The following DYTN variants were observed in gnomAD, a reference collection of about 807,000 sequenced individuals.
DYTN encodes the protein dystrotelin.
DYTN carries 75 observed loss-of-function variants against 69.6 expected under a neutral mutation model. The ratio of observed to expected loss-of-function variants is 1.08; its 90% CI spans 0.89 to 1.31. The LOEUF is 1.31. DYTN is among the 50% of genes most tolerant of loss of function. The pLI, the probability that DYTN is intolerant of heterozygous loss-of-function variation, is 0.00. For synonymous variants in DYTN, 252 were observed against 249.1 expected (o/e 1.01, Z -0.11); for missense variants, 726 against 688.4 (o/e 1.05, Z -0.61).
At chr2:206,713,232 A>AT (rs1700095499) in intron 1 of DYTN, among the ~76,000 whole-genome samples, 1 of 152,176 alleles carries the variant, frequency 6.6e-6, no homozygotes, top group South Asian at 2.1e-4. Context: ...CCACATATTT[A>AT]TTTTTTGTGG....
chr2:206,665,066 C>G (rs1258585544), intron 10 of DYTN, among the ~76,000 whole-genome samples: 4 of 152,180 alleles, frequency 2.6e-5, no homozygotes, highest in Non-Finnish European at 1.5e-5. Flanking sequence ...GCCTCGGTAT[C>G]TGAAAGGCTA....
chr2:206,715,917 G>A (rs1254605242), intron 1 of DYTN, among the ~76,000 whole-genome samples: 2 of 151,978 alleles, frequency 1.3e-5, no homozygotes, highest in Admixed American at 1.3e-4. Context: ...GTGAAACCCC[G>A]CCTCTACTAA....
intron 9 of DYTN, chr2:206,686,735 T>C (rs2105895489): frequency 6.6e-6 from 1 of 152,506 alleles, no homozygotes; most frequent in South Asian, 2.1e-4. Context: ...CATAGCTTTT[T>C]GCACACCCAC....
At chr2:206,651,997 A>G (rs35581991) in intron 11 of DYTN, 76 bp from the exon 12 acceptor site, 167,004 of 1,350,834 alleles carry the variant, frequency 0.12, 11,607 homozygotes, top group Non-Finnish European at 0.14. Context: ...TAAAGCTCTC[A>G]CATGGAGAAG....
At chr2:206,669,815 C>G (rs1559307299) in intron 9 of DYTN, among the ~76,000 whole-genome samples, 1 of 152,110 alleles carries the variant, frequency 6.6e-6, no homozygotes. Flanking sequence ...GTTTATTGAA[C>G]TCCTTTTCCT....
At chr2:206,717,495 A>G (rs1429393726) in intron 1 of DYTN, among the ~76,000 whole-genome samples, 2 of 152,220 alleles carry the variant, frequency 1.3e-5, no homozygotes, top group South Asian at 2.1e-4. Context: ...ATTCTGATGC[A>G]TGCTAATTTT....
chr2:206,685,074 C>T lies in DYTN; in HGVS notation c.980+8101G>A, dbSNP rs186405102. On this transcript the variant is annotated intron_variant, in intron 9 of 11. Coordinates refer to ENST00000452335, the MANE Select transcript of DYTN (RefSeq NM_001093730.1). Reference sequence around the variant, plus strand: ...AGCCTGGGAGGCCTTCAGCCTGAGCCTGCCTTGCCCAGGCCTGCACAGAAG... The same window carrying T: ...AGCCTGGGAGGCCTTCAGCCTGAGCTTGCCTTGCCCAGGCCTGCACAGAAG... 5.9e-3 allele frequency among the ~76,000 whole-genome samples: 898 copies of T among 152,332 alleles called. 7 individuals are homozygous for T. The highest frequency in any genetic ancestry group is 7.4e-3 in the Non-Finnish European group (502 of 68,026).
Position 206,661,007 on chromosome 2 carries a change from T to C in DYTN, c.1633+1896A>G, listed in dbSNP as rs146910364. 3.1e-3 allele frequency among the ~76,000 whole-genome samples: 466 copies of C among 152,172 alleles called. 4 individuals are homozygous for C. Among genetic ancestry groups the C allele is most frequent in the African/African-American group, 8.5e-3 (355 of 41,528 alleles). On this transcript the variant is annotated intron_variant, in intron 11 of 11. Transcript: ENST00000452335. ...CAGGGTCTTTAAAGAGATAATTAAG[T>C]TAAAATGAGGTCGCTAGGATGAGCC...
chr2:206,659,164 CTTTTTTTTTT>C (rs758156864), intron 11 of DYTN, among the ~76,000 whole-genome samples: 1 of 54,304 alleles, frequency 1.8e-5, no homozygotes, highest in South Asian at 1.1e-3. Flanking sequence ...CTCACAGTCT[CTTTTTTTTTT>C]TTTTTTTTTT....
chr2:206,652,299 T>A (rs1428166805), intron 11 of DYTN, among the ~76,000 whole-genome samples: 1 of 152,134 alleles, frequency 6.6e-6, no homozygotes, highest in Non-Finnish European at 1.5e-5. Context: ...GCCTGAGCAT[T>A]TATATTTATT....
chr2:206,672,092 G>T (rs1699636034), intron 9 of DYTN, among the ~76,000 whole-genome samples: 1 of 152,154 alleles, frequency 6.6e-6, no homozygotes, highest in Non-Finnish European at 1.5e-5. Flanking sequence ...GATCTGCAAA[G>T]ATATACTTCA....
intron 9 of DYTN, among the ~76,000 whole-genome samples, chr2:206,684,425 C>T (rs978760637): frequency 6.6e-6 from 1 of 152,196 alleles, no homozygotes. Flanking sequence ...CTACCTCAGC[C>T]TCCCAAGTAG....
At chr2:206,701,377 T>C (rs1313615680) in intron 5 of DYTN, among the ~76,000 whole-genome samples, 1 of 152,204 alleles carries the variant, frequency 6.6e-6, no homozygotes, top group Non-Finnish European at 1.5e-5. Context: ...AATAGCCAAG[T>C]TTCTGGAACG....
At chr2:206,676,076 G>A (rs939005316) in intron 9 of DYTN, among the ~76,000 whole-genome samples, 49 of 152,234 alleles carry the variant, frequency 3.2e-4, no homozygotes, top group Non-Finnish European at 5.4e-4. Flanking sequence ...TCCCATTACT[G>A]GGTATAAACC....
rs771150555 is a variant in DYTN at position 206,700,150 on chromosome 2, G to A, written c.550C>T (p.Gln184Ter). Residue 184 changes from glutamine to a stop codon, truncating the protein, a stop_gained, in exon 6 of 12, where the codon CAA (glutamine) becomes TAA (stop). Coordinates refer to ENST00000452335, the MANE Select transcript of DYTN (RefSeq NM_001093730.1). LOFTEE classifies it high-confidence loss of function. Reference protein sequence around the residue: ...PVESATRSCFQGVLSPAIKEE... With the variant: ...PVESATRSCF ...GACATTTGCAAGGCACTCACCCCTTGGAAACAGCTGCGGGTGGCACTTTCC... is the reference window on the plus strand; with the variant it reads ...GACATTTGCAAGGCACTCACCCCTTAGAAACAGCTGCGGGTGGCACTTTCC... 1 of 1,613,880 alleles carries A rather than the reference G, an allele frequency of 6.2e-7. No individual in the cohort carries two copies. The highest frequency in any genetic ancestry group is 1.7e-5 in the Admixed American group (1 of 60,006).
chr2:206,698,023 C>G (rs565680157), intron 7 of DYTN, among the ~76,000 whole-genome samples: 32 of 152,274 alleles, frequency 2.1e-4, no homozygotes, highest in Non-Finnish European at 4.1e-4. Context: ...TAATCCTGTA[C>G]TCGACCTAGG....
At chr2:206,680,989 A>G (rs953709548) in intron 9 of DYTN, among the ~76,000 whole-genome samples, 32 of 152,288 alleles carry the variant, frequency 2.1e-4, no homozygotes, top group African/African-American at 7.2e-4. Context: ...TTTTCACGAT[A>G]TTGGTTCTTC....
At chr2:206,657,004 C>T (rs536903215) in intron 11 of DYTN, among the ~76,000 whole-genome samples, 5 of 146,188 alleles carry the variant, frequency 3.4e-5, no homozygotes, top group African/African-American at 4.9e-5. Flanking sequence ...TCAGGTGATC[C>T]GCCCACCTCG....
chr2:206,673,636 T>A (rs1699651378), intron 9 of DYTN, among the ~76,000 whole-genome samples: 1 of 152,236 alleles, frequency 6.6e-6, no homozygotes, highest in African/African-American at 2.4e-5. Context: ...GAAGGAAGCC[T>A]TATCTGTAAG....
Sources: allele counts gnomAD v4.1 joint callset (sites outside exome capture counted in the v4.1 genomes callset), GRCh38; gene constraint gnomAD v4.1.1; transcripts MANE v1.5; gene names NCBI Gene and HGNC (gene_info 2026-07-23, HGNC 2026-07-21).